The following ABCB5 variants were observed in gnomAD, a reference collection of about 807,000 sequenced individuals.
ABCB5 encodes ATP-binding cassette sub-family B member 5.
In ABCB5, 155 loss-of-function variants were observed where a neutral mutation model predicts 144.2. That is an observed-to-expected ratio of 1.08 (90% CI 0.94 to 1.23). The LOEUF (loss-of-function observed/expected upper bound fraction) is 1.23. Ranked by LOEUF, ABCB5 falls within the 50% of genes most tolerant of loss-of-function variation. The probability of loss-of-function intolerance (pLI) is 0.00; values close to 1 mark genes in which losing one functional copy is unlikely to be tolerated. For synonymous variants in ABCB5, 610 were observed against 528.6 expected, an observed-to-expected ratio of 1.15 and a Z score of -2.11; for missense variants, 1,830 against 1,520.8, an observed-to-expected ratio of 1.20 and a Z score of -3.38.
At chr7:20,746,600 T>C (rs1782731456) in intron 26 of ABCB5, among the ~76,000 whole-genome samples, 2 of 152,362 alleles carry the variant, frequency 1.3e-5, no homozygotes, top group South Asian at 4.1e-4. Flanking sequence ...TCCTTTTTTA[T>C]CACCTTGATG....
chr7:20,672,919 T>C lies in ABCB5; in HGVS notation c.1708-8586T>C, dbSNP rs550187953. Reference sequence around the variant, plus strand: ...GTCTGTCTTTGAGTTTATTCTTCTCTTTTGTATTTAATTGGTTTCTGCTTT... The same window carrying C: ...GTCTGTCTTTGAGTTTATTCTTCTCCTTTGTATTTAATTGGTTTCTGCTTT... On this transcript the variant is annotated intron_variant, in intron 14 of 27. Transcript: ENST00000404938. 8.5e-5 allele frequency among the ~76,000 whole-genome samples: 13 copies of C among 152,270 alleles called. No homozygotes were observed. The East Asian group carries it at 2.5e-3, about 29-fold the overall frequency.
In ABCB5 at chr7:20,753,454, A is replaced by C; in HGVS notation, c.3524A>C (p.Lys1175Thr). 1 of 1,614,132 alleles carries C rather than the reference A, an allele frequency of 6.2e-7. No individual in the cohort carries two copies. The highest frequency in any genetic ancestry group is 8.5e-7 in the Non-Finnish European group (1 of 1,179,992). ...GCAAGGGCTCTTCTCCAAAAACCCA[A>C]AATTTTATTGTTGGATGAGGCCACT... is the stretch of plus-strand genomic sequence containing the variant. ...AIARALLQKP[K>T]ILLLDEATSA... Residue 1175 changes from lysine to threonine, a missense_variant, in exon 27 of 28, where the codon AAA becomes ACA. Lys to Thr is a moderately conservative substitution (Grantham distance 78). Transcript: ENST00000404938.
At chr7:20,742,072 T>G (rs1444770992) in intron 24 of ABCB5, among the ~76,000 whole-genome samples, 1 of 152,066 alleles carries the variant, frequency 6.6e-6, no homozygotes, top group Non-Finnish European at 1.5e-5. Flanking sequence ...CAAATAATGG[T>G]CAATTGAAAA....
At chr7:20,636,782 CA>C (rs35824075) in intron 5 of ABCB5, among the ~76,000 whole-genome samples, 14,291 of 74,022 alleles carry the variant, frequency 0.19, 591 homozygotes, top group East Asian at 0.28. Context: ...AAGACTCCAT[CA>C]AAAAAAAAAA....
intron 23 of ABCB5, among the ~76,000 whole-genome samples, chr7:20,732,070 G>T (rs1782239843): frequency 6.6e-6 from 1 of 152,128 alleles, no homozygotes; most frequent in Admixed American, 6.5e-5. Context: ...TTCATGATGG[G>T]GCTGCTGCGT....
intron 23 of ABCB5, among the ~76,000 whole-genome samples, chr7:20,732,301 A>G (rs1489555400): frequency 1.3e-5 from 2 of 152,176 alleles, no homozygotes; most frequent in Admixed American, 1.3e-4. Context: ...GATGGTCCAA[A>G]GTAGTTCCCC....
In ABCB5 at chr7:20,755,626, G is replaced by A. The variant is rs748969374; in HGVS notation, c.*2G>A. On this transcript the variant is annotated 3_prime_UTR_variant, in exon 28 of 28. Coordinates refer to ENST00000404938, the MANE Select transcript of ABCB5 (RefSeq NM_001163941.2). ...GTGAATGCACAGTCAGTGCAGTGATGCTGTTGAGGTAGCACATATTTTGAT... is the reference window on the plus strand; with the variant it reads ...GTGAATGCACAGTCAGTGCAGTGATACTGTTGAGGTAGCACATATTTTGAT... The A allele has an allele frequency of 2.9e-5, 46 of 1,613,442 alleles. No homozygotes were observed. In the South Asian group the frequency reaches 4.3e-4, roughly 15 times the overall value.
chr7:20,729,318 T>G (rs926120804), intron 23 of ABCB5, among the ~76,000 whole-genome samples: 2 of 152,188 alleles, frequency 1.3e-5, no homozygotes, highest in African/African-American at 4.8e-5. Flanking sequence ...CTTAGGAAAT[T>G]TGTGAGACAT....
chr7:20,671,061 C>T (rs1209571679), intron 14 of ABCB5, among the ~76,000 whole-genome samples: 1 of 152,162 alleles, frequency 6.6e-6, no homozygotes, highest in Non-Finnish European at 1.5e-5. Context: ...GTATAACTCT[C>T]TTCTACTGTA....
At chr7:20,710,381 A>AAAG (rs1242291728) in intron 20 of ABCB5, among the ~76,000 whole-genome samples, 12,033 of 55,714 alleles carry the variant, frequency 0.22, 2,494 homozygotes, top group East Asian at 0.52. Context: ...AAAAAAAAAA[A>AAAG]GTGGGGGGGG....
chr7:20,667,346 T>C, intron 14 of ABCB5: 2 of 985,016 alleles, frequency 2.0e-6, no homozygotes, highest in Non-Finnish European at 2.4e-6. Flanking sequence ...GAATCCCCTG[T>C]GAAGAAAAGA....
In ABCB5 at chr7:20,728,422, A is replaced by C. The variant is rs767233104; in HGVS notation, c.2834A>C (p.Gln945Pro). Residue 945 changes from glutamine (Q) to proline (P), a missense_variant, in exon 23 of 28, where the codon CAA becomes CCA. By Grantham distance (76) the Gln-to-Pro change is moderately conservative. Transcript: ENST00000404938. ...TTTCGATTTGGAGCCTATTTAATTC[A>C]AGCTGGACGAATGACCCCAGAGGGC... Reference protein sequence around the residue: ...AGFRFGAYLIQAGRMTPEGMF... With the variant: ...AGFRFGAYLIPAGRMTPEGMF... 3.1e-6 allele frequency: 5 copies of C among 1,614,144 alleles called. No individual in the cohort carries two copies. Among genetic ancestry groups the C allele is most frequent in the Non-Finnish European group, 4.2e-6 (5 of 1,180,000 alleles).
intron 1 of ABCB5, 101 bp downstream of exon 1, chr7:20,615,938 T>A (rs1281212951): frequency 1.3e-5 from 2 of 152,298 alleles, no homozygotes; most frequent in Admixed American, 6.5e-5. Flanking sequence ...GTGGTAAAGA[T>A]GGAAACAAAA....
At chr7:20,703,905 T>C (rs1786720497) in intron 19 of ABCB5, among the ~76,000 whole-genome samples, 1 of 152,124 alleles carries the variant, frequency 6.6e-6, no homozygotes, top group Admixed American at 6.5e-5. Flanking sequence ...CCTTCTGCCC[T>C]TTTAGCTTCT....
chr7:20,626,165 C>T (rs1284922109), intron 2 of ABCB5, among the ~76,000 whole-genome samples: 1 of 151,956 alleles, frequency 6.6e-6, no homozygotes, highest in Non-Finnish European at 1.5e-5. Context: ...GAGATGGGGA[C>T]AATGGGAAAA....
intron 14 of ABCB5, among the ~76,000 whole-genome samples, chr7:20,670,488 GAACTCAGTGTTTACTTAAA>G (rs1393765935): frequency 2.6e-5 from 4 of 152,032 alleles, no homozygotes. Flanking sequence ...CAGTGAGTGG[GAACTCAGTGTTTACTTAAA>G]AAAAAGACTC....
Position 20,745,259 on chromosome 7 carries a change from T to C in ABCB5, c.3250T>C (p.Leu1084=), listed in dbSNP as rs1230673864. Residue 1084 remains leucine (L), a synonymous_variant, in exon 26 of 28, where the codon TTG becomes CTG. Transcript: ENST00000404938. ...VLFDGVDAKE[L]NVQWLRSQIA... is the part of the protein sequence containing the mutation. ...GTTTGATGGTGTGGATGCAAAAGAA[T>C]TGAATGTACAGTGGCTCCGTTCCCA... 1.2e-6 allele frequency: 2 copies of C among 1,613,978 alleles called. No individual in the cohort carries two copies. Among genetic ancestry groups the C allele is most frequent in the Non-Finnish European group, 8.5e-7 (1 of 1,179,870 alleles).
At chr7:20,690,949 T>C (rs757416285) in intron 16 of ABCB5, among the ~76,000 whole-genome samples, 1 of 152,128 alleles carries the variant, frequency 6.6e-6, no homozygotes, top group Non-Finnish European at 1.5e-5. Context: ...CAAGATAGAT[T>C]AACAGGGACT....
chr7:20,725,418 A>G (rs1743093671), intron 21 of ABCB5, among the ~76,000 whole-genome samples: 1 of 152,158 alleles, frequency 6.6e-6, no homozygotes, highest in Admixed American at 6.5e-5. Flanking sequence ...GTCTCTACTA[A>G]AAATACAAAA....
Sources: gnomAD v4.1 joint callset for allele counts (sites outside exome capture counted in the v4.1 genomes callset) on GRCh38, gnomAD v4.1.1 for gene constraint, MANE v1.5 for transcripts, NCBI Gene and HGNC (gene_info 2026-07-23, HGNC 2026-07-21) for gene names.